Variants in PC observed in about 807,000 individuals in gnomAD.
PC encodes the protein pyruvate carboxylase, mitochondrial.
In PC, 46 loss-of-function variants were observed where a neutral mutation model predicts 107.8. That is an observed-to-expected ratio of 0.43 (90% CI 0.34 to 0.55). The LOEUF is 0.55. Ranked by LOEUF, PC falls within the 20% of genes least tolerant of loss-of-function variation. The pLI, the probability that PC is intolerant of heterozygous loss-of-function variation, is 0.04. For missense variants in PC, 1,241 were observed against 1,643.1 expected (o/e 0.76, Z 4.23); for synonymous variants, 662 against 684.7 (o/e 0.97, Z 0.52).
Position 66,871,281 on chromosome 11 carries a change from G to A in PC, c.487+34C>T, listed in dbSNP as rs1565245044. ...CCCTGCTGGACCCTCTCCAGGAGCT[G>A]CGGGGCCACCCCTTGCTTGCCCGTT... On this transcript the variant is annotated intron_variant, in intron 6 of 22. Transcript: ENST00000393960. The surrounding 1 kb of genome is among the most constrained non-coding windows in gnomAD (Gnocchi z 7.4). The A allele has an allele frequency of 6.2e-7, 1 of 1,614,098 alleles. No individual in the cohort carries two copies.
At position 66,857,452 on chromosome 11, in the gene PC, G is replaced by T; in HGVS notation, c.1369-4069C>A. 1 of 363,582 alleles carries T rather than the reference G, an allele frequency of 2.8e-6. No individual in the cohort carries two copies. Among genetic ancestry groups the T allele is most frequent in the South Asian group, 1.1e-4 (1 of 9,378 alleles). 22.5% of individuals were successfully genotyped at this position (363,582 alleles called of 1,614,324 possible). ...GGGGACGCCTGGGAAAGGAAGTTCC[G>T]GGACCCTCCCTGCTCTCGGTCCTCC... is the stretch of plus-strand genomic sequence containing the variant. On this transcript the variant is annotated intron_variant, in intron 12 of 22. Transcript: ENST00000393960. The surrounding 1 kb of genome is among the most constrained non-coding windows in gnomAD (Gnocchi z 7.1).
At chr11:66,880,835 G>C (rs1947159811) in intron 3 of PC, among the ~76,000 whole-genome samples, 1 of 152,242 alleles carries the variant, frequency 6.6e-6, no homozygotes, top group African/African-American at 2.4e-5. Context: ...GTATTTGGTT[G>C]GTGGATGGCA....
chr11:66,904,354 T>A (rs925047525), intron 3 of PC, among the ~76,000 whole-genome samples: 21 of 152,120 alleles, frequency 1.4e-4, no homozygotes, highest in African/African-American at 4.8e-4. Context: ...ACAAGCATTC[T>A]AAGGCTGGGC....
At chr11:66,869,544 G>A (rs1023254537) in intron 9 of PC, among the ~76,000 whole-genome samples, 1 of 152,108 alleles carries the variant, frequency 6.6e-6, no homozygotes, top group Non-Finnish European at 1.5e-5. Context: ...AACCTGTTCT[G>A]GAATGTGAAA....
rs755135417 is a variant in PC at position 66,850,565 on chromosome 11, G to A, written c.2474-101C>T. The A allele has an allele frequency of 6.6e-4, 1,059 of 1,604,172 alleles. 3 individuals carry two copies. Among genetic ancestry groups the A allele is most frequent in the Non-Finnish European group, 8.0e-4 (943 of 1,178,104 alleles). ...ATGTCTGACTCAGGTGACAGAAGGC[G>A]GCAAGGCCAGAGCAGGGCATCTGGA... On this transcript the variant is annotated intron_variant, in intron 18 of 22. Coordinates refer to ENST00000393960, the MANE Select transcript of PC (RefSeq NM_001040716.2).
At chr11:66,860,386 AACAGGTGCTC>A (rs1946189357) in intron 12 of PC, 2 of 821,434 alleles carry the variant, frequency 2.4e-6, no homozygotes, top group African/African-American at 1.7e-5. Context: ...AGGCCCCTCC[AACAGGTGCTC>A]ACAGCCACCG....
At chr11:66,943,260 T>A (rs1210601381) in intron 3 of PC, among the ~76,000 whole-genome samples, 1 of 149,886 alleles carries the variant, frequency 6.7e-6, no homozygotes, top group African/African-American at 2.5e-5. Flanking sequence ...GGTGGGAAGA[T>A]GTTGAGCCCA....
intron 10 of PC, 122 bp downstream of exon 10, chr11:66,868,724 T>C (rs1565240682): frequency 2.6e-6 from 2 of 757,578 alleles, no homozygotes; most frequent in South Asian, 2.8e-5. Context: ...TGGATCCCCA[T>C]TGCTCTCCAC....
chr11:66,859,757 G>A, intron 12 of PC: 1 of 1,607,838 alleles, frequency 6.2e-7, no homozygotes, highest in Non-Finnish European at 8.5e-7. Context: ...CGGCCACCAG[G>A]CTGCTGGGCT....
chr11:66,940,731 G>C (rs1234267823), intron 3 of PC, among the ~76,000 whole-genome samples: 4 of 150,912 alleles, frequency 2.7e-5, no homozygotes, highest in African/African-American at 9.7e-5. Context: ...AAAAGGCAAA[G>C]GACTTGAACA....
intron 3 of PC, among the ~76,000 whole-genome samples, chr11:66,942,432 TACA>T (rs973878109): frequency 2.6e-5 from 4 of 151,258 alleles, no homozygotes; most frequent in African/African-American, 9.7e-5. Context: ...TGACACATGC[TACA>T]ACATGGATGA....
chr11:66,848,641 C>A lies in PC; in HGVS notation c.*258G>T, dbSNP rs1004712031. 3.3e-6 allele frequency: 2 copies of A among 610,104 alleles called. No individual in the cohort carries two copies. Among genetic ancestry groups the A allele is most frequent in the Non-Finnish European group, 5.8e-6 (2 of 342,996 alleles). 37.8% of individuals were successfully genotyped at this position (610,104 alleles called of 1,614,324 possible). A position where few individuals can be genotyped will look rare whatever the true frequency, so the allele number is the denominator to read the frequency against. Reference sequence around the variant, plus strand: ...TCCCCTGGGTCCTAGGACCACCTGACCCACCACTTGTAGTCTCCAGTGAGG... The same window carrying A: ...TCCCCTGGGTCCTAGGACCACCTGAACCACCACTTGTAGTCTCCAGTGAGG... On this transcript the variant is annotated 3_prime_UTR_variant, in exon 23 of 23. Coordinates refer to ENST00000393960, the MANE Select transcript of PC (RefSeq NM_001040716.2).
chr11:66,851,351 C>T, intron 16 of PC, 71 bp from the exon 17 acceptor site: 2 of 1,592,510 alleles, frequency 1.3e-6, no homozygotes, highest in Non-Finnish European at 1.7e-6. Context: ...CTGGCTCCTT[C>T]CTGACCCACT....
At chr11:66,855,908 A>C (rs1591135811) in intron 12 of PC, among the ~76,000 whole-genome samples, 1 of 152,318 alleles carries the variant, frequency 6.6e-6, no homozygotes, top group South Asian at 2.1e-4. Context: ...TCAGAATTCC[A>C]ATCTTGGGTT....
intron 3 of PC, among the ~76,000 whole-genome samples, chr11:66,926,692 C>G (rs2136103233): frequency 6.6e-6 from 1 of 152,256 alleles, no homozygotes; most frequent in South Asian, 2.1e-4. Flanking sequence ...CAAAAAGAAA[C>G]CTGGTACCAC....
intron 3 of PC, among the ~76,000 whole-genome samples, chr11:66,945,336 T>C (rs1949255965): frequency 8.9e-6 from 1 of 111,790 alleles, no homozygotes; most frequent in Non-Finnish European, 2.0e-5. Context: ...GTATCTATTT[T>C]GTATTTAGTT....
chr11:66,929,880 A>T (rs1176084981), intron 3 of PC, among the ~76,000 whole-genome samples: 1 of 152,152 alleles, frequency 6.6e-6, no homozygotes, highest in Non-Finnish European at 1.5e-5. Context: ...TTCAGGCTAA[A>T]ACCCTAAGGA....
chr11:66,870,759 C>T lies in PC; in HGVS notation c.751+16G>A, dbSNP rs762932957. 5.0e-6 allele frequency: 8 copies of T among 1,603,188 alleles called. No individual in the cohort carries two copies. Among genetic ancestry groups the T allele is most frequent in the Middle Eastern group, 1.7e-4 (1 of 6,050 alleles). On this transcript the variant is annotated intron_variant, in intron 8 of 22. Transcript: ENST00000393960. This position sits in a 1 kb window ranked among gnomAD's most constrained non-coding sequence, Gnocchi z 6.1. The stretch of plus-strand genomic sequence containing the variant: ...CCGCCTCCAGCTGCCCCAGGCGGGG[C>T]GTCAGGACCACTCACCCAAGATCTG...
At chr11:66,914,054 C>T (rs918813565) in intron 3 of PC, among the ~76,000 whole-genome samples, 4 of 152,174 alleles carry the variant, frequency 2.6e-5, no homozygotes, top group African/African-American at 9.7e-5. Flanking sequence ...GTTTCCTCCT[C>T]TCTGGGGTTA....
Sources: gnomAD v4.1 joint callset for allele counts (sites outside exome capture counted in the v4.1 genomes callset) on GRCh38, gnomAD v4.1.1 for gene constraint, Gnocchi (gnomAD v3.1) non-coding constraint, MANE v1.5 for transcripts, NCBI Gene and HGNC (gene_info 2026-07-23, HGNC 2026-07-21) for gene names.